TTC28: variants seen among roughly 807,000 people sequenced by gnomAD.
TTC28 encodes the protein tetratricopeptide repeat domain 28.
Under a neutral mutation model 198.0 loss-of-function variants are expected in TTC28, and 61 were observed. The ratio of observed to expected loss-of-function variants is 0.31; its 90% CI spans 0.25 to 0.38. TTC28 has a LOEUF of 0.38. TTC28 is among the 10% of genes least tolerant of loss of function. The pLI is 1.00. For synonymous variants in TTC28, 1,171 were observed against 1,297.8 expected (o/e 0.90, Z 2.10); for missense variants, 2,678 against 3,164.0 (o/e 0.85, Z 3.69).
chr22:28,586,542 A>G (rs899764584), intron 2 of TTC28, among the ~76,000 whole-genome samples: 30 of 152,178 alleles, frequency 2.0e-4, no homozygotes, highest in African/African-American at 7.2e-4. Flanking sequence ...GACAGGAAAC[A>G]GATGAAATTA....
chr22:28,678,903 TG>T (rs2145724280), intron 1 of TTC28, among the ~76,000 whole-genome samples: 1 of 152,306 alleles, frequency 6.6e-6, no homozygotes, highest in Admixed American at 6.5e-5. Flanking sequence ...TCGGCTTCCC[TG>T]CTGTGGTGAG....
chr22:28,268,742 T>C (rs1022475704), intron 5 of TTC28, among the ~76,000 whole-genome samples: 7 of 152,200 alleles, frequency 4.6e-5, no homozygotes, highest in African/African-American at 1.7e-4. Context: ...ATTAGGTTTT[T>C]GGTTGTTGTT....
intron 6 of TTC28, among the ~76,000 whole-genome samples, chr22:28,133,421 A>C (rs1943110474): frequency 6.6e-6 from 1 of 152,142 alleles, no homozygotes; most frequent in African/African-American, 2.4e-5. Context: ...GCATCACCTC[A>C]CTCAGGAAGT....
intron 1 of TTC28, among the ~76,000 whole-genome samples, chr22:28,654,355 G>A (rs955110502): frequency 6.6e-6 from 1 of 152,098 alleles, no homozygotes; most frequent in African/African-American, 2.4e-5. Flanking sequence ...TTGAGGCGGA[G>A]TCTCGCTCTG....
intron 12 of TTC28, among the ~76,000 whole-genome samples, chr22:28,090,242 C>T (rs1234131217): frequency 6.6e-5 from 10 of 151,742 alleles, no homozygotes; most frequent in East Asian, 3.9e-4. Flanking sequence ...TAAAATATAG[C>T]CTAGTCTCCT....
intron 12 of TTC28, among the ~76,000 whole-genome samples, chr22:28,032,812 G>A (rs1322146953): frequency 2.0e-5 from 3 of 152,138 alleles, no homozygotes; most frequent in African/African-American, 4.8e-5. Flanking sequence ...TCAACAGGCA[G>A]GGGCTGAATA....
At chr22:28,156,260 G>C (rs542307270) in intron 6 of TTC28, among the ~76,000 whole-genome samples, 1 of 152,322 alleles carries the variant, frequency 6.6e-6, no homozygotes, top group South Asian at 2.1e-4. Context: ...AATCACAACA[G>C]TCTTTATTGG....
chr22:28,064,922 T>C (rs548492250), intron 12 of TTC28, among the ~76,000 whole-genome samples: 1 of 152,352 alleles, frequency 6.6e-6, no homozygotes, highest in African/African-American at 2.4e-5. Flanking sequence ...TTTCGTACCA[T>C]GTGCAAGTAT....
Position 28,342,770 on chromosome 22 carries a change from G to T in TTC28, c.382-36127C>A, listed in dbSNP as rs1054778423. Among the ~76,000 whole-genome samples the T allele has an allele frequency of 2.6e-4, 39 of 152,158 alleles. 1 individual carries two copies. Among genetic ancestry groups the T allele is most frequent in the Admixed American group, 2.2e-3 (34 of 15,282 alleles). On this transcript the variant is annotated intron_variant, in intron 2 of 22. Transcript: ENST00000397906. ...CCAAATAAGCATATCTACACAGTAT[G>T]TCTAACTCATAAGCTCTTGATCACA...
At chr22:28,168,502 CT>C (rs1346149519) in intron 5 of TTC28, among the ~76,000 whole-genome samples, 1 of 152,048 alleles carries the variant, frequency 6.6e-6, no homozygotes, top group African/African-American at 2.4e-5. Context: ...GAACAGAGCC[CT>C]CAGAAATAAT....
At chr22:28,163,727 GT>G (rs1407168532) in intron 5 of TTC28, 128 bp from the exon 6 acceptor site, 51 of 1,039,816 alleles carry the variant, frequency 4.9e-5, no homozygotes, top group Admixed American at 8.6e-5. Context: ...AGCTCCCAGC[GT>G]GAGTGACGCA....
At chr22:28,647,377 A>T (rs1026311710) in intron 1 of TTC28, among the ~76,000 whole-genome samples, 4 of 152,206 alleles carry the variant, frequency 2.6e-5, no homozygotes, top group African/African-American at 9.7e-5. Flanking sequence ...AGACAAAAAT[A>T]AATAAATAGG....
At chr22:28,237,606 C>T (rs1274606306) in intron 5 of TTC28, among the ~76,000 whole-genome samples, 1 of 152,114 alleles carries the variant, frequency 6.6e-6, no homozygotes, top group Non-Finnish European at 1.5e-5. Context: ...ATACTGTTAT[C>T]ACTGCTGTGT....
chr22:27,982,325 C>A lies in TTC28; in HGVS notation c.7342G>T (p.Ala2448Ser), dbSNP rs373854784. Residue 2448 changes from alanine (A) to serine (S), a missense_variant, in exon 23 of 23, where the codon GCC becomes TCC. Physicochemically the swap from Ala to Ser is moderately conservative, Grantham distance 99. Coordinates refer to ENST00000397906, the MANE Select transcript of TTC28 (RefSeq NM_001145418.2). The surrounding 1 kb of genome is among the most constrained non-coding windows in gnomAD (Gnocchi z 5.2). ...GCGGGGGCTGTGGCGGGAGGGCCGG[C>A]GGGCAGCGGCAGTGAGCCCAGCGAG... ...TTSLGSLPLPAGPPATAPARP... is the reference protein window; with the variant it reads ...TTSLGSLPLPSGPPATAPARP... 10 of 1,528,236 alleles carry A rather than the reference C, an allele frequency of 6.5e-6. No homozygotes were observed. The African/African-American group carries it at 1.4e-4, about 21-fold the overall frequency. The allele number at this position is 1,528,236 out of a possible 1,614,324, so 94.7% of individuals were successfully genotyped here.
At position 27,980,816 on chromosome 22, in the gene TTC28, G is replaced by C. The variant is rs1936983238; in HGVS notation, c.*1405C>G. On this transcript the variant is annotated 3_prime_UTR_variant, in exon 23 of 23. Coordinates refer to ENST00000397906, the MANE Select transcript of TTC28 (RefSeq NM_001145418.2). ...ATAAATTAATGGTTACCCCTAACTAGATGATTCCCTTGTCTTGCCTCAAGC... is the reference window on the plus strand; with the variant it reads ...ATAAATTAATGGTTACCCCTAACTACATGATTCCCTTGTCTTGCCTCAAGC... 1 of 152,218 alleles carries C rather than the reference G, an allele frequency of 6.6e-6. No individual in the cohort carries two copies. Among genetic ancestry groups the C allele is most frequent in the South Asian group, 2.1e-4 (1 of 4,834 alleles). The allele number at this position is 152,218 out of a possible 1,614,324, so 9.4% of individuals were successfully genotyped here.
intron 5 of TTC28, among the ~76,000 whole-genome samples, chr22:28,273,453 A>G (rs1423424295): frequency 1.3e-5 from 2 of 152,120 alleles, no homozygotes; most frequent in Non-Finnish European, 2.9e-5. Context: ...CAAAAAAATA[A>G]CTAAAATTAA....
Position 28,233,318 on chromosome 22 carries a change from T to C in TTC28, c.933+62880A>G, listed in dbSNP as rs531568894. 3.9e-5 allele frequency among the ~76,000 whole-genome samples: 6 copies of C among 152,316 alleles called. No homozygotes were observed. In the South Asian group the frequency reaches 1.2e-3, roughly 32 times the overall value. On this transcript the variant is annotated intron_variant, in intron 5 of 22. Transcript: ENST00000397906. The stretch of plus-strand genomic sequence containing the variant: ...ATCTCATAATTTACCGCTTTTAAAT[T>C]TGACCATATATCTTCACGTAATTTT...
At chr22:28,409,739 C>T (rs1450459113) in intron 2 of TTC28, among the ~76,000 whole-genome samples, 1 of 150,990 alleles carries the variant, frequency 6.6e-6, no homozygotes, top group African/African-American at 2.4e-5. Flanking sequence ...TCAGCGCAAC[C>T]TCCGCCTCCC....
chr22:28,463,376 C>A (rs2047975611), intron 2 of TTC28, among the ~76,000 whole-genome samples: 1 of 152,186 alleles, frequency 6.6e-6, no homozygotes, highest in Admixed American at 6.5e-5. Flanking sequence ...GTATCTAGAG[C>A]TAGAAATACC....
Sources: allele counts gnomAD v4.1 joint callset (sites outside exome capture counted in the v4.1 genomes callset), GRCh38; gene constraint gnomAD v4.1.1; non-coding constraint Gnocchi (gnomAD v3.1); transcripts MANE v1.5; gene names NCBI Gene and HGNC (gene_info 2026-07-23, HGNC 2026-07-21).